Variants in PRTFDC1 observed in about 807,000 individuals in gnomAD.
The protein encoded by PRTFDC1 is phosphoribosyltransferase domain-containing protein 1.
A neutral mutation model predicts 34.6 loss-of-function variants in PRTFDC1; 38 were observed. The observed-to-expected ratio is 1.10, with a 90% CI of 0.85 to 1.44. The LOEUF is 1.44. Among genes scored for constraint, PRTFDC1 ranks in the 40% most tolerant of loss-of-function variants. PRTFDC1 has a pLI of 0.00. For missense variants in PRTFDC1, 270 were observed against 283.0 expected (o/e 0.95, Z 0.33); for synonymous variants, 93 against 98.1 (o/e 0.95, Z 0.31).
chr10:24,850,394 G>A (rs1847464083), intron 8 of PRTFDC1, among the ~76,000 whole-genome samples: 1 of 152,164 alleles, frequency 6.6e-6, no homozygotes, highest in South Asian at 2.1e-4. Flanking sequence ...TACTTTGGGA[G>A]GCTGAGGTGG....
At position 24,952,443 on chromosome 10, in the gene PRTFDC1, C is replaced by G; in HGVS notation, c.48+85G>C. The G allele has an allele frequency of 1.4e-6, 2 of 1,453,574 alleles. No homozygotes were observed. Among genetic ancestry groups the G allele is most frequent in the South Asian group, 1.2e-5 (1 of 81,092 alleles). The allele number at this position is 1,453,574 out of a possible 1,614,324, so 90.0% of individuals were successfully genotyped here. On this transcript the variant is annotated intron_variant, in intron 1 of 8. Coordinates refer to ENST00000320152, the MANE Select transcript of PRTFDC1 (RefSeq NM_020200.7). This position sits in a 1 kb window ranked among gnomAD's most constrained non-coding sequence, Gnocchi z 5.1. ...AGCGGTGGCCCTCTCTCTCCCCCGA[C>G]GCACGGCAAGCATTTAATCTACAAG...
chr10:24,948,122 T>G (rs1849280746), intron 1 of PRTFDC1, among the ~76,000 whole-genome samples: 1 of 146,810 alleles, frequency 6.8e-6, no homozygotes, highest in Admixed American at 6.9e-5. Flanking sequence ...TGATTACTTA[T>G]CTCTGATACT....
chr10:24,908,713 G>A lies in PRTFDC1; in HGVS notation c.339+28471C>T, dbSNP rs1413294748. On this transcript the variant is annotated intron_variant, in intron 3 of 8. Coordinates refer to ENST00000320152, the MANE Select transcript of PRTFDC1 (RefSeq NM_020200.7). ...TTGGGAGAGACACACATGGAGCAGTGAGGGAGGAAGGAGACACCTACCTAG... is the reference window on the plus strand; with the variant it reads ...TTGGGAGAGACACACATGGAGCAGTAAGGGAGGAAGGAGACACCTACCTAG... 1.9e-6 allele frequency: 3 copies of A among 1,554,802 alleles called. No homozygotes were observed. In the East Asian group the frequency reaches 7.1e-5, roughly 37 times the overall value.
At chr10:24,859,527 C>T (rs1464167863) in intron 4 of PRTFDC1, among the ~76,000 whole-genome samples, 2 of 152,104 alleles carry the variant, frequency 1.3e-5, no homozygotes, top group Admixed American at 6.5e-5. Flanking sequence ...ATTACAGGCA[C>T]GAGCCGCCAC....
At chr10:24,854,491 GAGAA>G (rs1847540897) in intron 7 of PRTFDC1, among the ~76,000 whole-genome samples, 1 of 151,910 alleles carries the variant, frequency 6.6e-6, no homozygotes, top group Non-Finnish European at 1.5e-5. Context: ...GCTTGCTGAA[GAGAA>G]CTGTAGCCAA....
At chr10:24,852,868 G>C (rs528270742) in intron 7 of PRTFDC1, among the ~76,000 whole-genome samples, 1 of 152,100 alleles carries the variant, frequency 6.6e-6, no homozygotes, top group Non-Finnish European at 1.5e-5. Context: ...AGAAGAAAAC[G>C]ACTGGTTCAT....
At chr10:24,886,956 CTTTTTTTTT>C (rs57910963) in intron 3 of PRTFDC1, among the ~76,000 whole-genome samples, 2 of 86,422 alleles carry the variant, frequency 2.3e-5, no homozygotes, top group Non-Finnish European at 4.2e-5. Context: ...AATACTCCTT[CTTTTTTTTT>C]TTTTTTTTTT....
At chr10:24,882,738 T>G (rs1228007431) in intron 3 of PRTFDC1, among the ~76,000 whole-genome samples, 2 of 151,876 alleles carry the variant, frequency 1.3e-5, no homozygotes, top group Non-Finnish European at 2.9e-5. Context: ...ACTCCTGGGC[T>G]CAAGTGATCC....
intron 3 of PRTFDC1, among the ~76,000 whole-genome samples, chr10:24,882,327 C>A (rs1365098415): frequency 6.6e-6 from 1 of 152,086 alleles, no homozygotes; most frequent in Non-Finnish European, 1.5e-5. Context: ...GTATGCATAT[C>A]TGGATGTCAA....
intron 4 of PRTFDC1, among the ~76,000 whole-genome samples, chr10:24,871,169 G>A (rs752554346): frequency 2.7e-5 from 4 of 150,618 alleles, no homozygotes; most frequent in East Asian, 3.9e-4. Flanking sequence ...TTCCCTACCC[G>A]GGCATTGCAT....
rs563006597 is a variant in PRTFDC1, at chr10:24,927,155, T to C, written c.339+10029A>G. Reference sequence around the variant, plus strand: ...CTAGAGCAATGCTAGATGATCTCTTTTTAGGCCAAACTAGATATTTGTTTC... The same window carrying C: ...CTAGAGCAATGCTAGATGATCTCTTCTTAGGCCAAACTAGATATTTGTTTC... On this transcript the variant is annotated intron_variant, in intron 3 of 8. Coordinates refer to ENST00000320152, the MANE Select transcript of PRTFDC1 (RefSeq NM_020200.7). 2.0e-5 allele frequency among the ~76,000 whole-genome samples: 3 copies of C among 152,330 alleles called. No homozygotes were observed. In the South Asian group the frequency reaches 6.2e-4, roughly 32 times the overall value.
intron 3 of PRTFDC1, among the ~76,000 whole-genome samples, chr10:24,924,241 C>T (rs540293368): frequency 1.3e-5 from 2 of 152,210 alleles, no homozygotes; most frequent in African/African-American, 4.8e-5. Flanking sequence ...AGGATATTAC[C>T]CAGGAGAACT....
intron 6 of PRTFDC1, among the ~76,000 whole-genome samples, chr10:24,856,643 C>T (rs892391031): frequency 1.2e-4 from 19 of 152,086 alleles, no homozygotes; most frequent in Non-Finnish European, 2.5e-4. Context: ...AGCAATTGCA[C>T]GGGGGCTCAT....
chr10:24,892,799 A>T (rs1048880013), intron 3 of PRTFDC1, among the ~76,000 whole-genome samples: 3 of 152,094 alleles, frequency 2.0e-5, no homozygotes, highest in African/African-American at 7.2e-5. Context: ...GGCATTTTAG[A>T]TTCTTATTTC....
At chr10:24,868,553 C>G (rs961048495) in intron 4 of PRTFDC1, among the ~76,000 whole-genome samples, 2 of 152,194 alleles carry the variant, frequency 1.3e-5, no homozygotes, top group East Asian at 3.9e-4. Context: ...CAAGTGATCA[C>G]CCACCTTAGC....
At chr10:24,852,059 A>G (rs1459515986) in intron 7 of PRTFDC1, among the ~76,000 whole-genome samples, 1 of 152,162 alleles carries the variant, frequency 6.6e-6, no homozygotes. Flanking sequence ...TTCATGATGC[A>G]GAGGATATTA....
intron 3 of PRTFDC1, among the ~76,000 whole-genome samples, chr10:24,913,760 T>G (rs186051127): frequency 1.4e-4 from 21 of 152,288 alleles, no homozygotes; most frequent in South Asian, 6.2e-4. Flanking sequence ...CATTTACCTC[T>G]AATGGGGACT....
chr10:24,910,064 G>A (rs1848604625), intron 3 of PRTFDC1, among the ~76,000 whole-genome samples: 2 of 152,070 alleles, frequency 1.3e-5, no homozygotes, highest in South Asian at 2.1e-4. Context: ...GGGAGGCTGA[G>A]GCAGGAGAAT....
chr10:24,895,052 C>T (rs1293438434), intron 3 of PRTFDC1, among the ~76,000 whole-genome samples: 1 of 152,078 alleles, frequency 6.6e-6, no homozygotes, highest in Non-Finnish European at 1.5e-5. Context: ...TTGCCTACGT[C>T]GTACCAGTCA....
Sources: gnomAD v4.1 joint callset for allele counts (sites outside exome capture counted in the v4.1 genomes callset) on GRCh38, gnomAD v4.1.1 for gene constraint, Gnocchi (gnomAD v3.1) non-coding constraint, MANE v1.5 for transcripts, NCBI Gene and HGNC (gene_info 2026-07-23, HGNC 2026-07-21) for gene names.